The following DCAF13 variants were observed in gnomAD, a reference collection of about 807,000 sequenced individuals.
DCAF13 encodes DDB1 and CUL4 associated factor 13.
In DCAF13, 38 loss-of-function variants were observed where a neutral mutation model predicts 59.0. That is an observed-to-expected ratio of 0.64 (90% CI 0.50 to 0.84). The LOEUF (loss-of-function observed/expected upper bound fraction) is 0.84. Ranked by LOEUF, DCAF13 falls within the 40% of genes least tolerant of loss-of-function variation. The pLI is 0.00. For synonymous variants in DCAF13, 173 were observed against 175.0 expected (o/e 0.99, Z 0.09); for missense variants, 469 against 558.4 (o/e 0.84, Z 1.61).
rs141779934 is a variant in DCAF13, at chr8:103,441,460, A to G, written c.1092A>G (p.Thr364=). Residue 364 remains threonine (T), a synonymous_variant, in exon 10 of 11, where the codon ACA becomes ACG. Coordinates refer to ENST00000612750, the MANE Select transcript of DCAF13 (RefSeq NM_015420.7). Reference sequence around the variant, plus strand: ...ACCAAAATGTGTATTTTCAGCTTACATCACGAGAAAAAGCAGCCAAGGATT... The same window carrying G: ...ACCAAAATGTGTATTTTCAGCTTACGTCACGAGAAAAAGCAGCCAAGGATT... ...ANASEKLGVL[T]SREKAAKDYN... is the part of the protein sequence containing the mutation. The G allele has an allele frequency of 9.7e-4, 1,538 of 1,585,364 alleles. 16 individuals carry two copies. In the African/African-American group the frequency reaches 0.012, roughly 12 times the overall value.
intron 10 of DCAF13, 105 bp downstream of exon 10, chr8:103,441,723 A>G: frequency 1.9e-6 from 2 of 1,067,818 alleles, no homozygotes; most frequent in South Asian, 2.9e-5. Flanking sequence ...ATGTGCTATT[A>G]TTTAATAGTA....
chr8:103,430,409 A>G (rs972680807), intron 5 of DCAF13: 2 of 364,714 alleles, frequency 5.5e-6, no homozygotes. Context: ...ATAAATAAAT[A>G]AATAAAATAC....
chr8:103,426,940 G>A lies in DCAF13; in HGVS notation c.469-157G>A, dbSNP rs16870396. Among the ~76,000 whole-genome samples the A allele has an allele frequency of 0.15, 22,523 of 151,940 alleles. 1,861 individuals are homozygous for A. The highest frequency in any genetic ancestry group is 0.34 in the East Asian group (1,734 of 5,162). On this transcript the variant is annotated intron_variant, in intron 4 of 10. Transcript: ENST00000612750. ...TTCTTAAAATGTCTTGTCTCATTAT[G>A]GTATTGTTTCCCCCTTTAAGTAAGG...
At chr8:103,439,109 G>A (rs1175368659) in intron 8 of DCAF13, among the ~76,000 whole-genome samples, 1 of 152,028 alleles carries the variant, frequency 6.6e-6, no homozygotes, top group Non-Finnish European at 1.5e-5. Context: ...CTGGGTTCAC[G>A]CCATTCTGCC....
intron 8 of DCAF13, chr8:103,439,620 T>A (rs1816981004): frequency 6.6e-6 from 1 of 152,084 alleles, no homozygotes; most frequent in African/African-American, 2.4e-5. Context: ...TTAATTAAGC[T>A]TTTTAAACAA....
At chr8:103,416,916 G>T (rs1052680218) in intron 1 of DCAF13, among the ~76,000 whole-genome samples, 3 of 152,220 alleles carry the variant, frequency 2.0e-5, no homozygotes, top group Admixed American at 2.0e-4. Flanking sequence ...AATTTTAGTT[G>T]TAGGAACAGC....
intron 8 of DCAF13, among the ~76,000 whole-genome samples, 176 bp downstream of exon 8, chr8:103,435,966 G>A (rs1473688104): frequency 1.3e-5 from 2 of 152,144 alleles, no homozygotes; most frequent in Non-Finnish European, 2.9e-5. Context: ...ATATGATATG[G>A]CCTGTTGCTT....
At chr8:103,428,800 C>G (rs138974900) in intron 5 of DCAF13, 1 of 152,026 alleles carries the variant, frequency 6.6e-6, no homozygotes, top group Non-Finnish European at 1.5e-5. Context: ...TGGTGAACAT[C>G]TGTGTCAGAA....
chr8:103,430,035 GAGTAGGTA>G (rs1816841619), intron 5 of DCAF13: 1 of 152,190 alleles, frequency 6.6e-6, no homozygotes, highest in African/African-American at 2.4e-5. Context: ...TTAAGTTGAA[GAGTAGGTA>G]AGTAAAATAT....
At chr8:103,421,763 T>C (rs1816725841) in intron 3 of DCAF13, among the ~76,000 whole-genome samples, 1 of 152,250 alleles carries the variant, frequency 6.6e-6, no homozygotes, top group Non-Finnish European at 1.5e-5. Flanking sequence ...CATAATTGTC[T>C]TCAAGGTTTA....
Position 103,420,291 on chromosome 8 carries a change from A to G in DCAF13, c.98A>G (p.His33Arg), listed in dbSNP as rs1356658878. The G allele has an allele frequency of 1.2e-6, 2 of 1,614,004 alleles. No individual in the cohort carries two copies. Among genetic ancestry groups the G allele is most frequent in the Admixed American group, 1.7e-5 (1 of 59,974 alleles). Residue 33 changes from histidine to arginine, a missense_variant, in exon 2 of 11, where the codon CAT becomes CGT. Around this residue, in one of 3 missense-constraint regions of DCAF13, gnomAD observed 355 missense variants for 399.1 expected, o/e 0.89. Coordinates refer to ENST00000612750, the MANE Select transcript of DCAF13 (RefSeq NM_015420.7). ...CCAAGAAACTATGATCCTGCTTTAC[A>G]TCCTTTTGAGGTCCCACGAGAATAT... ...RVPRNYDPAL[H>R]PFEVPREYIR...
chr8:103,415,518 T>C lies in DCAF13; in HGVS notation c.70+2T>C. On this transcript the variant is annotated splice_donor_variant, in intron 1 of 10. Coordinates refer to ENST00000612750, the MANE Select transcript of DCAF13 (RefSeq NM_015420.7). LOFTEE classifies it high-confidence loss of function. Reference sequence around the variant, plus strand: ...AAACCAAGTTGGACTTACAGAGAGGTAAGATAAGTTGGTAGGGAGAAAGGG... The same window carrying C: ...AAACCAAGTTGGACTTACAGAGAGGCAAGATAAGTTGGTAGGGAGAAAGGG... 1.2e-6 allele frequency: 2 copies of C among 1,602,484 alleles called. No homozygotes were observed. The highest frequency in any genetic ancestry group is 1.7e-6 in the Non-Finnish European group (2 of 1,172,604).
chr8:103,433,441 TC>T (rs569641051), intron 7 of DCAF13, among the ~76,000 whole-genome samples: 13 of 152,200 alleles, frequency 8.5e-5, no homozygotes, highest in African/African-American at 3.1e-4. Flanking sequence ...TCTTTTTTTT[TC>T]CCAAAGCATT....
chr8:103,432,582 T>C (rs1351174732), intron 6 of DCAF13, 77 bp from the exon 7 acceptor site: 13 of 875,444 alleles, frequency 1.5e-5, no homozygotes, highest in Non-Finnish European at 2.2e-5. Context: ...AATAGGTGTT[T>C]ATGAAATATT....
chr8:103,434,545 G>T (rs745795302), intron 7 of DCAF13, among the ~76,000 whole-genome samples: 5 of 152,018 alleles, frequency 3.3e-5, no homozygotes, highest in Non-Finnish European at 7.4e-5. Context: ...TTTGGTTAGG[G>T]TGGTGTCTGC....
intron 8 of DCAF13, among the ~76,000 whole-genome samples, chr8:103,437,584 G>A (rs1816949174): frequency 6.6e-6 from 1 of 152,036 alleles, no homozygotes; most frequent in Non-Finnish European, 1.5e-5. Context: ...GTCTTAATAT[G>A]TGTTAACGTC....
rs1816788813 is a variant in DCAF13, at chr8:103,426,083, TGG to T, written c.407_408del (p.Trp136Ter). The T allele has an allele frequency of 6.2e-7, 1 of 1,612,634 alleles. No homozygotes were observed. Among genetic ancestry groups the T allele is most frequent in the African/African-American group, 1.3e-5 (1 of 74,852 alleles). On this transcript the variant is annotated frameshift_variant, in exon 4 of 11. Transcript: ENST00000612750. LOFTEE classifies it high-confidence loss of function. ...TGGTGATGACAAAACTGTGAAGCAG[TGG>T]AAAATGGATGGGCCAGGCTATGGAG... ...TVGDDKTVKQ[W>X]KMDGPGYGDE...
In DCAF13 at chr8:103,426,104, T is replaced by TTCCATAAACCTAACACCTGTGGTAAGAG; in HGVS notation, c.427_428insTCCATAAACCTAACACCTGTGGTAAGAG (p.Tyr143PhefsTer30). The TTCCATAAACCTAACACCTGTGGTAAGAG allele has an allele frequency of 6.2e-7, 1 of 1,612,728 alleles. No homozygotes were observed. The highest frequency in any genetic ancestry group is 1.3e-5 in the African/African-American group (1 of 74,996). The stretch of plus-strand genomic sequence containing the variant: ...GCAGTGGAAAATGGATGGGCCAGGC[T>TTCCATAAACCTAACACCTGTGGTAAGAG]ATGGAGACGAGGAAGAGCCATTACA... On this transcript the variant is annotated frameshift_variant, in exon 4 of 11. Transcript: ENST00000612750. LOFTEE classifies it high-confidence loss of function.
At chr8:103,431,322 A>G (rs1173948101) in intron 6 of DCAF13, among the ~76,000 whole-genome samples, 1 of 152,234 alleles carries the variant, frequency 6.6e-6, no homozygotes, top group Non-Finnish European at 1.5e-5. Flanking sequence ...GTAAAAGGGT[A>G]TAAAGTTTAT....
Sources: gnomAD v4.1 joint callset for allele counts (sites outside exome capture counted in the v4.1 genomes callset) on GRCh38, gnomAD v4.1.1 for gene constraint, gnomAD v4.1.1 regional missense constraint, MANE v1.5 for transcripts, NCBI Gene and HGNC (gene_info 2026-07-23, HGNC 2026-07-21) for gene names.